Variants in SNX24 observed in about 807,000 individuals in gnomAD.
SNX24 encodes the protein sorting nexin-24.
A neutral mutation model predicts 28.7 loss-of-function variants in SNX24; 22 were observed. That is an observed-to-expected ratio of 0.77 (90% CI 0.55 to 1.10). SNX24 has a LOEUF of 1.10. Among genes scored for constraint, SNX24 ranks in the 50% least tolerant of loss-of-function variants. The probability of loss-of-function intolerance (pLI) is 0.00; values close to 1 mark genes in which losing one functional copy is unlikely to be tolerated. For synonymous variants in SNX24, 69 were observed against 71.5 expected, an observed-to-expected ratio of 0.96 and a Z score of 0.18; for missense variants, 221 against 201.1, an observed-to-expected ratio of 1.10 and a Z score of -0.60.
intron 3 of SNX24, among the ~76,000 whole-genome samples, chr5:122,970,478 CT>C (rs965069980): frequency 6.6e-6 from 1 of 151,736 alleles, no homozygotes; most frequent in Admixed American, 6.6e-5. Flanking sequence ...CTGCACAAAT[CT>C]TTTTTTTGAG....
chr5:123,004,474 G>A (rs1486362719), intron 6 of SNX24, among the ~76,000 whole-genome samples: 1 of 152,102 alleles, frequency 6.6e-6, no homozygotes, highest in Non-Finnish European at 1.5e-5. Flanking sequence ...CCACTCTCTA[G>A]CAGCTGACCA....
intron 1 of SNX24, among the ~76,000 whole-genome samples, chr5:122,883,120 G>T (rs889842799): frequency 6.6e-6 from 1 of 152,124 alleles, no homozygotes; most frequent in Non-Finnish European, 1.5e-5. Flanking sequence ...TATTGTCAGT[G>T]GTTTAGAAGG....
chr5:122,936,846 T>A, intron 2 of SNX24, 29 bp downstream of exon 2: 1 of 1,421,308 alleles, frequency 7.0e-7, no homozygotes, highest in African/African-American at 1.4e-5. Flanking sequence ...TTTTGTCTTT[T>A]CTCTATGTGG....
intron 4 of SNX24, among the ~76,000 whole-genome samples, chr5:123,000,244 AAT>A (rs2150175338): frequency 6.6e-6 from 1 of 152,364 alleles, no homozygotes; most frequent in South Asian, 2.1e-4. Flanking sequence ...TCAAGGAATC[AAT>A]CTTTTCAATT....
chr5:122,894,913 TA>T (rs1345251657), intron 1 of SNX24, among the ~76,000 whole-genome samples: 6 of 152,122 alleles, frequency 3.9e-5, no homozygotes, highest in African/African-American at 1.4e-4. Flanking sequence ...AGAAACCTTT[TA>T]AATTAAATAC....
chr5:122,851,201 G>A (rs961970610), intron 1 of SNX24, among the ~76,000 whole-genome samples: 11 of 152,192 alleles, frequency 7.2e-5, no homozygotes, highest in South Asian at 2.1e-4. Context: ...ATCTCCCTGC[G>A]TCACCCAGGC....
intron 1 of SNX24, among the ~76,000 whole-genome samples, chr5:122,847,930 T>G (rs1754716539): frequency 6.6e-6 from 1 of 152,200 alleles, no homozygotes. Flanking sequence ...GAGTGCCTGC[T>G]CTGTGTCTGT....
At chr5:122,877,405 A>T (rs1756274358) in intron 1 of SNX24, among the ~76,000 whole-genome samples, 1 of 152,196 alleles carries the variant, frequency 6.6e-6, no homozygotes. Context: ...AAAGAGGTTA[A>T]TTGAAATCAG....
At chr5:122,998,928 C>T (rs1489130172) in intron 3 of SNX24, among the ~76,000 whole-genome samples, 1 of 151,980 alleles carries the variant, frequency 6.6e-6, no homozygotes, top group African/African-American at 2.4e-5. Flanking sequence ...CTTTAAACAA[C>T]ATGTACTTAC....
rs530235683 is a variant in SNX24 at position 122,894,270 on chromosome 5, G to A, written c.61-42464G>A. Among the ~76,000 whole-genome samples the A allele has an allele frequency of 1.8e-4, 28 of 152,066 alleles. No individual in the cohort carries two copies. In the South Asian group the frequency reaches 4.4e-3, roughly 24 times the overall value. ...AGGTAATCATTTTTATTAGGTTCTG[G>A]TTTGTACTTCTTGTGTTTCTCTTTT... On this transcript the variant is annotated intron_variant, in intron 1 of 6. Coordinates refer to ENST00000261369, the MANE Select transcript of SNX24 (RefSeq NM_014035.4).
intron 5 of SNX24, among the ~76,000 whole-genome samples, chr5:123,027,725 G>A (rs1311586867): frequency 1.3e-5 from 2 of 152,172 alleles, no homozygotes; most frequent in Admixed American, 1.3e-4. Flanking sequence ...ATTAGAAATA[G>A]TGCTTGAAAA....
downstream of SNX24, among the ~76,000 whole-genome samples, chr5:123,012,536 G>C (rs1004658673): frequency 2.0e-5 from 3 of 152,210 alleles, no homozygotes; most frequent in African/African-American, 7.2e-5. Flanking sequence ...GTGTTTAATA[G>C]GTTTCAGCTG....
At chr5:122,947,171 T>C (rs1652392553) in intron 3 of SNX24, among the ~76,000 whole-genome samples, 1 of 152,188 alleles carries the variant, frequency 6.6e-6, no homozygotes, top group South Asian at 2.1e-4. Flanking sequence ...TCAGCAGCCA[T>C]GACTGTGTCC....
intron 1 of SNX24, among the ~76,000 whole-genome samples, chr5:122,898,926 G>A (rs1757319030): frequency 6.6e-6 from 1 of 152,236 alleles, no homozygotes; most frequent in Non-Finnish European, 1.5e-5. Context: ...ACTGGAGTCA[G>A]AGAACCTTGA....
At chr5:122,927,944 C>T (rs574444165) in intron 1 of SNX24, among the ~76,000 whole-genome samples, 1 of 152,336 alleles carries the variant, frequency 6.6e-6, no homozygotes, top group Non-Finnish European at 1.5e-5. Flanking sequence ...TTGATGGTGG[C>T]ATCACCATCC....
chr5:122,885,559 G>A (rs1322373204), intron 1 of SNX24, among the ~76,000 whole-genome samples: 2 of 7,568 alleles, frequency 2.6e-4, no homozygotes, highest in Non-Finnish European at 3.5e-4. Flanking sequence ...ATATCTCTAA[G>A]GAATTTGGGG....
chr5:122,872,497 G>T (rs1756025509), intron 1 of SNX24, among the ~76,000 whole-genome samples: 1 of 152,022 alleles, frequency 6.6e-6, no homozygotes, highest in Non-Finnish European at 1.5e-5. Flanking sequence ...ATCCGTGGGG[G>T]ATTGGTTCCA....
intron 2 of SNX24, among the ~76,000 whole-genome samples, chr5:122,944,034 G>A (rs1759574855): frequency 6.6e-6 from 1 of 152,110 alleles, no homozygotes; most frequent in Admixed American, 6.5e-5. Context: ...CTTTATATTA[G>A]GAATGTCTTT....
chr5:122,912,877 T>C (rs1255786528), intron 1 of SNX24, among the ~76,000 whole-genome samples: 3 of 152,180 alleles, frequency 2.0e-5, no homozygotes, highest in African/African-American at 4.8e-5. Context: ...GAGGACCCTG[T>C]GGCCCTGGGT....
Sources: allele counts gnomAD v4.1 joint callset (sites outside exome capture counted in the v4.1 genomes callset), GRCh38; gene constraint gnomAD v4.1.1; transcripts MANE v1.5; gene names NCBI Gene and HGNC (gene_info 2026-07-23, HGNC 2026-07-21).